Variants in COA6 observed in about 807,000 individuals in gnomAD.
The protein encoded by COA6 is cytochrome c oxidase assembly factor 6.
Under a neutral mutation model 17.1 loss-of-function variants are expected in COA6, and 12 were observed. The ratio of observed to expected loss-of-function variants is 0.70; its 90% CI spans 0.45 to 1.14. COA6 has a LOEUF of 1.14. Among genes scored for constraint, COA6 ranks in the 50% most tolerant of loss-of-function variants. The pLI is 0.00. For synonymous variants in COA6, 90 were observed against 73.4 expected, an observed-to-expected ratio of 1.23 and a Z score of -1.16; for missense variants, 246 against 196.5, an observed-to-expected ratio of 1.25 and a Z score of -1.51.
chr1:234,381,703 A>AACCC, intron 2 of COA6, among the ~76,000 whole-genome samples: 1 of 152,208 alleles, frequency 6.6e-6, no homozygotes, highest in Non-Finnish European at 1.5e-5. Context: ...CCCAAGTGAG[A>AACCC]AATGATGAGG....
In COA6 at chr1:234,373,747, C is replaced by T; in HGVS notation, c.212+69C>T. ...GGCCCGGGAGGTCCCTTACTGTCCC[C>T]GAGCCGCGGGTTCCTCTTGTGCAAA... On this transcript the variant is annotated intron_variant, in intron 1 of 2. Transcript: ENST00000366615. The T allele has an allele frequency of 6.2e-7, 1 of 1,613,720 alleles. No homozygotes were observed.
chr1:234,373,790 T>A, intron 1 of COA6, 112 bp downstream of exon 1: 1 of 1,613,750 alleles, frequency 6.2e-7, no homozygotes, highest in Non-Finnish European at 8.5e-7. Flanking sequence ...GGCACTCCAA[T>A]CGCCTGCTTG....
intron 2 of COA6, 148 bp from the exon 3 acceptor site, chr1:234,383,573 GAC>G (rs60042887): frequency 0.024 from 11,023 of 452,368 alleles, no homozygotes; most frequent in South Asian, 0.043. Context: ...AGTTACAGCT[GAC>G]ACACACACAC....
intron 2 of COA6, among the ~76,000 whole-genome samples, chr1:234,379,543 C>T (rs1658910574): frequency 6.6e-6 from 1 of 152,098 alleles, no homozygotes; most frequent in African/African-American, 2.4e-5. Flanking sequence ...TGAGTACCCA[C>T]GAGTTGTGAC....
At chr1:234,376,329 G>C (rs987968897) in intron 2 of COA6, among the ~76,000 whole-genome samples, 1 of 152,062 alleles carries the variant, frequency 6.6e-6, no homozygotes, top group Admixed American at 6.6e-5. Context: ...GTTCTTGATC[G>C]TATGTACATC....
Position 234,373,571 on chromosome 1 carries a change from C to T in COA6, c.105C>T (p.Pro35=). The T allele has an allele frequency of 6.2e-7, 1 of 1,612,436 alleles. No individual in the cohort carries two copies. Among genetic ancestry groups the T allele is most frequent in the South Asian group, 1.1e-5 (1 of 91,004 alleles). The change falls in exon 1 of 3, where the codon CCC becomes CCT. Residue 35 remains proline (P), a synonymous_variant. Transcript: ENST00000366615. ...TLLELEPAGR[P]CSGRTRHRAL... ...TAGAGCTTGAGCCAGCGGGGCGACCCTGCAGTGGCAGGACTCGGCACCGCG... is the reference window on the plus strand; with the variant it reads ...TAGAGCTTGAGCCAGCGGGGCGACCTTGCAGTGGCAGGACTCGGCACCGCG...
chr1:234,375,535 C>T (rs1245061469), intron 2 of COA6, among the ~76,000 whole-genome samples: 3 of 152,166 alleles, frequency 2.0e-5, no homozygotes, highest in South Asian at 4.1e-4. Context: ...GTTTTGCCCT[C>T]TCATACCTCA....
intron 2 of COA6, among the ~76,000 whole-genome samples, chr1:234,382,156 G>A (rs1004604082): frequency 2.6e-5 from 4 of 152,212 alleles, no homozygotes; most frequent in African/African-American, 9.6e-5. Context: ...AAATGAAATG[G>A]TGTTTTGACA....
chr1:234,383,573 G>GACACACACACACACACACAC (rs60042887), intron 2 of COA6, 150 bp from the exon 3 acceptor site: 8 of 473,360 alleles, frequency 1.7e-5, no homozygotes, highest in Middle Eastern at 6.0e-4. Context: ...AGTTACAGCT[G>GACACACACACACACACACAC]ACACACACAC....
chr1:234,378,310 C>T (rs1347960801), intron 2 of COA6, among the ~76,000 whole-genome samples: 1 of 152,096 alleles, frequency 6.6e-6, no homozygotes, highest in East Asian at 1.9e-4. Flanking sequence ...TAGGAAAATA[C>T]AGCAAGGAAA....
At chr1:234,383,300 T>A (rs1482569269) in intron 2 of COA6, among the ~76,000 whole-genome samples, 3 of 148,184 alleles carry the variant, frequency 2.0e-5, no homozygotes, top group Non-Finnish European at 4.4e-5. Flanking sequence ...CAGAGACTTT[T>A]TCATCAAATG....
Position 234,383,871 on chromosome 1 carries a change from G to T in COA6, c.*53G>T. On this transcript the variant is annotated 3_prime_UTR_variant, in exon 3 of 3. Transcript: ENST00000366615. ...TTCTGGACATTGAAAAAGCTCCACT[G>T]ACTATGGAACAGTAATAGTTTGAAT... The T allele has an allele frequency of 1.1e-6, 1 of 884,806 alleles. No individual in the cohort carries two copies. Among genetic ancestry groups the T allele is most frequent in the South Asian group, 1.5e-5 (1 of 68,216 alleles). The allele number at this position is 884,806 out of a possible 1,614,324, so 54.8% of individuals were successfully genotyped here. A position where few individuals can be genotyped will look rare whatever the true frequency, so the allele number is the denominator to read the frequency against.
chr1:234,383,659 TG>T, intron 2 of COA6, 63 bp from the exon 3 acceptor site: 1 of 708,556 alleles, frequency 1.4e-6, no homozygotes, highest in South Asian at 1.7e-5. Context: ...CATTTAAATC[TG>T]TGCTTTTGCT....
rs559238834 is a variant in COA6 at position 234,374,837 on chromosome 1, G to A, written c.372+448G>A. On this transcript the variant is annotated intron_variant, in intron 2 of 2. Transcript: ENST00000366615. ...AGTTTGGTAAGCAGAAGAAAGAAAA[G>A]GTTCATATGGTGGATTCTGTCTCCC... Among the ~76,000 whole-genome samples the A allele has an allele frequency of 7.0e-4, 107 of 152,246 alleles. 1 individual carries two copies. The highest frequency in any genetic ancestry group is 2.5e-3 in the African/African-American group (104 of 41,540).
intron 1 of COA6, 82 bp from the exon 2 acceptor site, chr1:234,374,148 G>T: frequency 6.1e-5 from 71 of 1,157,306 alleles, no homozygotes; most frequent in Non-Finnish European, 8.5e-5. Context: ...AGGAAGAGGA[G>T]ATTGACGGTT....
chr1:234,374,436 A>G lies in COA6; in HGVS notation c.372+47A>G, dbSNP rs1340412348. ...TTCTCTTCCCTGTTAAGATACATCG[A>G]GCTTATACTGTGAGTGGTAGGCTGA... On this transcript the variant is annotated intron_variant, in intron 2 of 2. Transcript: ENST00000366615. 5.0e-6 allele frequency: 8 copies of G among 1,592,314 alleles called. No individual in the cohort carries two copies. In the South Asian group the frequency reaches 7.8e-5, roughly 15 times the overall value.
At position 234,383,819 on chromosome 1, in the gene COA6, G is replaced by T. The variant is rs1489648785; in HGVS notation, c.*1G>T. 1 of 1,499,422 alleles carries T rather than the reference G, an allele frequency of 6.7e-7. No homozygotes were observed. Among genetic ancestry groups the T allele is most frequent in the South Asian group, 1.2e-5 (1 of 84,800 alleles). 92.9% of individuals were successfully genotyped at this position (1,499,422 alleles called of 1,614,324 possible). A position where few individuals can be genotyped will look rare whatever the true frequency, so the allele number is the denominator to read the frequency against. On this transcript the variant is annotated 3_prime_UTR_variant, in exon 3 of 3. Transcript: ENST00000366615. ...TTCAGAAACAACTGCAAAATCCTAG[G>T]CTGTTCATAAAGATTGAAAGTATTC...
At chr1:234,380,395 A>C (rs1309847533) in intron 2 of COA6, among the ~76,000 whole-genome samples, 1 of 152,216 alleles carries the variant, frequency 6.6e-6, no homozygotes, top group Non-Finnish European at 1.5e-5. Context: ...TTTATACAAT[A>C]GGAACTAAGG....
intron 2 of COA6, among the ~76,000 whole-genome samples, chr1:234,374,858 C>G (rs1264289647): frequency 6.6e-6 from 1 of 152,186 alleles, no homozygotes; most frequent in Non-Finnish European, 1.5e-5. Flanking sequence ...TGGATTCTGT[C>G]TCCCTGACAG....
Sources: gnomAD v4.1 joint callset for allele counts (sites outside exome capture counted in the v4.1 genomes callset) on GRCh38, gnomAD v4.1.1 for gene constraint, MANE v1.5 for transcripts, NCBI Gene and HGNC (gene_info 2026-07-23, HGNC 2026-07-21) for gene names.